AGFG1: variants seen among roughly 807,000 people sequenced by gnomAD.
AGFG1 encodes ArfGAP with FG repeats 1.
A neutral mutation model predicts 60.6 loss-of-function variants in AGFG1; 10 were observed. The observed-to-expected ratio is 0.16, with a 90% CI of 0.10 to 0.28. The LOEUF is 0.28. Among genes scored for constraint, AGFG1 ranks in the 10% least tolerant of loss-of-function variants. AGFG1 has a pLI of 1.00. For missense variants in AGFG1, 537 were observed against 676.5 expected (o/e 0.79, Z 2.29); for synonymous variants, 247 against 242.9 (o/e 1.02, Z -0.16).
At chr2:227,505,819 A>G (rs1250547494) in intron 2 of AGFG1, among the ~76,000 whole-genome samples, 1 of 151,960 alleles carries the variant, frequency 6.6e-6, no homozygotes, top group Non-Finnish European at 1.5e-5. Flanking sequence ...GCTCAGTGCA[A>G]CCTCCGCCTC....
chr2:227,547,822 A>C (rs914442932), intron 10 of AGFG1, among the ~76,000 whole-genome samples: 1 of 152,224 alleles, frequency 6.6e-6, no homozygotes, highest in African/African-American at 2.4e-5. Context: ...CATATAACCT[A>C]ACAGAGTGCC....
chr2:227,472,408 T>G lies in AGFG1; in HGVS notation c.-14T>G. ...CTCCCGGCCCTGCCGGCCTCCTCCC[T>G]TGGCGCCGCGGCCATGGCGGCCAGC... On this transcript the variant is annotated 5_prime_UTR_variant, in exon 1 of 13. Transcript: ENST00000310078. 1 of 1,454,532 alleles carries G rather than the reference T, an allele frequency of 6.9e-7. No individual in the cohort carries two copies. Among genetic ancestry groups the G allele is most frequent in the Non-Finnish European group, 9.1e-7 (1 of 1,095,042 alleles). The allele number at this position is 1,454,532 out of a possible 1,614,324, so 90.1% of individuals were successfully genotyped here. A position where few individuals can be genotyped will look rare whatever the true frequency, so the allele number is the denominator to read the frequency against.
intron 1 of AGFG1, among the ~76,000 whole-genome samples, chr2:227,488,355 G>T (rs34553575): frequency 0.37 from 56,738 of 152,048 alleles, 11,220 homozygotes; most frequent in South Asian, 0.5. Flanking sequence ...AAGAGTTAGG[G>T]TCAGCTTTAT....
At chr2:227,478,006 G>A (rs945666038) in intron 1 of AGFG1, among the ~76,000 whole-genome samples, 1 of 151,988 alleles carries the variant, frequency 6.6e-6, no homozygotes, top group Non-Finnish European at 1.5e-5. Flanking sequence ...CAAAATGTGT[G>A]TTCTTATTTT....
chr2:227,491,105 TA>T (rs2106168691), intron 1 of AGFG1, among the ~76,000 whole-genome samples: 1 of 152,338 alleles, frequency 6.6e-6, no homozygotes, highest in Non-Finnish European at 1.5e-5. Context: ...GTCTTAAGCT[TA>T]TTTAAAGCTA....
chr2:227,559,854 A>T lies in AGFG1; in HGVS notation c.*5359A>T, dbSNP rs927093196. The T allele has an allele frequency of 6.6e-6, 1 of 152,164 alleles. No individual in the cohort carries two copies. The highest frequency in any genetic ancestry group is 2.4e-5 in the African/African-American group (1 of 41,440). 9.4% of individuals were successfully genotyped at this position (152,164 alleles called of 1,614,324 possible). On this transcript the variant is annotated 3_prime_UTR_variant, in exon 13 of 13. Coordinates refer to ENST00000310078, the MANE Select transcript of AGFG1 (RefSeq NM_004504.5). ...ACTAATCTTACATAGTCAATGTTTC[A>T]TAGAATGCTTTGGTTACAATCAGGT...
intron 2 of AGFG1, among the ~76,000 whole-genome samples, chr2:227,513,180 G>C (rs1330000165): frequency 6.6e-6 from 1 of 152,162 alleles, no homozygotes; most frequent in African/African-American, 2.4e-5. Flanking sequence ...AATGAGTATG[G>C]AGGTTTCCTA....
At chr2:227,540,877 T>C (rs1418866247) in intron 10 of AGFG1, among the ~76,000 whole-genome samples, 2 of 152,236 alleles carry the variant, frequency 1.3e-5, no homozygotes, top group African/African-American at 2.4e-5. Context: ...GACTTTTTAA[T>C]GATCACCATT....
At chr2:227,501,713 A>C (rs1691162641) in intron 2 of AGFG1, among the ~76,000 whole-genome samples, 1 of 152,052 alleles carries the variant, frequency 6.6e-6, no homozygotes, top group Non-Finnish European at 1.5e-5. Flanking sequence ...CCTCCTGAGC[A>C]GCTGGGACCA....
chr2:227,530,871 T>C (rs947861289), intron 5 of AGFG1, among the ~76,000 whole-genome samples: 3 of 152,186 alleles, frequency 2.0e-5, no homozygotes, highest in African/African-American at 7.2e-5. Context: ...AATTTATCAT[T>C]GCACAAAGTG....
At chr2:227,474,963 T>C (rs545323957) in intron 1 of AGFG1, among the ~76,000 whole-genome samples, 47 of 152,322 alleles carry the variant, frequency 3.1e-4, no homozygotes, top group African/African-American at 1.1e-3. Flanking sequence ...AAATAATGTA[T>C]GTTAAACATC....
intron 10 of AGFG1, among the ~76,000 whole-genome samples, chr2:227,550,447 A>G (rs1194798114): frequency 2.6e-5 from 4 of 151,994 alleles, no homozygotes; most frequent in African/African-American, 7.3e-5. Context: ...GCATTATTCC[A>G]TGGAGTTTGG....
At chr2:227,550,044 A>T (rs772984723) in intron 10 of AGFG1, 1 of 451,474 alleles carries the variant, frequency 2.2e-6, no homozygotes, top group East Asian at 7.4e-5. Context: ...TGGTCTCTTT[A>T]TGGCTTTCCA....
chr2:227,518,616 T>C (rs1691728673), intron 2 of AGFG1, among the ~76,000 whole-genome samples: 1 of 150,626 alleles, frequency 6.6e-6, no homozygotes, highest in East Asian at 2.0e-4. Flanking sequence ...CTCCCCTTCC[T>C]GGGTTCAAGC....
rs1415574844 is a variant in AGFG1, at chr2:227,561,171, G to T, written c.*6676G>T. ...AAGTTCTTGTTCATTGTGAAATACT[G>T]TTGGAAGAATTTTTTTCAAAATAAA... On this transcript the variant is annotated 3_prime_UTR_variant, in exon 13 of 13. Transcript: ENST00000310078. The T allele has an allele frequency of 6.6e-6, 1 of 152,078 alleles. No homozygotes were observed. The highest frequency in any genetic ancestry group is 1.5e-5 in the Non-Finnish European group (1 of 67,968). 9.4% of individuals were successfully genotyped at this position (152,078 alleles called of 1,614,324 possible). A position where few individuals can be genotyped will look rare whatever the true frequency, so the allele number is the denominator to read the frequency against.
chr2:227,495,860 T>C (rs1388443935), intron 2 of AGFG1, among the ~76,000 whole-genome samples: 2 of 151,886 alleles, frequency 1.3e-5, no homozygotes, highest in Non-Finnish European at 2.9e-5. Flanking sequence ...CCCAGCTGTT[T>C]GGGAGGCTGA....
At chr2:227,535,224 C>G (rs1246725028) in intron 8 of AGFG1, among the ~76,000 whole-genome samples, 199 bp downstream of exon 8, 1 of 152,114 alleles carries the variant, frequency 6.6e-6, no homozygotes, top group Non-Finnish European at 1.5e-5. Flanking sequence ...TTCATTGAAT[C>G]AGACGTTTTG....
intron 5 of AGFG1, among the ~76,000 whole-genome samples, 197 bp downstream of exon 5, chr2:227,525,112 T>C (rs542962574): frequency 6.6e-6 from 1 of 152,362 alleles, no homozygotes; most frequent in African/African-American, 2.4e-5. Context: ...TTAATGTCGG[T>C]TGGCATGACC....
intron 5 of AGFG1, among the ~76,000 whole-genome samples, chr2:227,529,085 A>G (rs1284920801): frequency 6.6e-6 from 1 of 152,132 alleles, no homozygotes; most frequent in East Asian, 1.9e-4. Context: ...TGGTTTCATT[A>G]CAGGAGAATA....
Sources: allele counts gnomAD v4.1 joint callset (sites outside exome capture counted in the v4.1 genomes callset), GRCh38; gene constraint gnomAD v4.1.1; transcripts MANE v1.5; gene names NCBI Gene and HGNC (gene_info 2026-07-23, HGNC 2026-07-21).